TSPAN3: variants seen among roughly 807,000 people sequenced by gnomAD.
TSPAN3 encodes tetraspanin 3.
In TSPAN3, 9 loss-of-function variants were observed where a neutral mutation model predicts 31.1. That is an observed-to-expected ratio of 0.29 (90% confidence interval 0.17 to 0.50). TSPAN3 has a LOEUF of 0.50. TSPAN3 is among the 20% of genes least tolerant of loss of function. The pLI is 0.98. For synonymous variants in TSPAN3, 129 were observed against 114.3 expected (o/e 1.13, Z -0.82); for missense variants, 252 against 313.5 (o/e 0.80, Z 1.48).
At chr15:77,049,465 G>A (rs2076715205) in intron 6 of TSPAN3, among the ~76,000 whole-genome samples, 1 of 152,130 alleles carries the variant, frequency 6.6e-6, no homozygotes, top group Non-Finnish European at 1.5e-5. Flanking sequence ...AGATACTCAG[G>A]AGCTTGACAA....
At chr15:77,048,703 A>G (rs1295972232) in intron 6 of TSPAN3, among the ~76,000 whole-genome samples, 1 of 152,198 alleles carries the variant, frequency 6.6e-6, no homozygotes, top group African/African-American at 2.4e-5. Flanking sequence ...TTTTATCTCC[A>G]ACATTATTTC....
chr15:77,049,422 T>C (rs1317574081), intron 6 of TSPAN3, among the ~76,000 whole-genome samples: 2 of 152,190 alleles, frequency 1.3e-5, no homozygotes, highest in Non-Finnish European at 2.9e-5. Context: ...TTTCCCCGTA[T>C]TGCCTTTGTA....
rs143420638 is a variant in TSPAN3, at chr15:77,070,993, G to A, written c.-39C>T. Reference sequence around the variant, plus strand: ...CGCGAAGGCCCGGCCCGGAGAGCGGGGCTGCGCTCACCGAGAGAGCGGCAA... The same window carrying A: ...CGCGAAGGCCCGGCCCGGAGAGCGGAGCTGCGCTCACCGAGAGAGCGGCAA... On this transcript the variant is annotated 5_prime_UTR_variant, in exon 1 of 7. Coordinates refer to ENST00000267970, the MANE Select transcript of TSPAN3 (RefSeq NM_005724.6). 8.8e-3 allele frequency: 12,064 copies of A among 1,368,660 alleles called. 83 individuals are homozygous for A. Among genetic ancestry groups the A allele is most frequent in the Middle Eastern group, 0.015 (72 of 4,650 alleles). The allele number at this position is 1,368,660 out of a possible 1,614,324, so 84.8% of individuals were successfully genotyped here. A position where few individuals can be genotyped will look rare whatever the true frequency, so the allele number is the denominator to read the frequency against.
At chr15:77,054,491 C>T (rs150707893) in intron 3 of TSPAN3, 3 of 370,760 alleles carry the variant, frequency 8.1e-6, no homozygotes, top group Non-Finnish European at 1.5e-5. Context: ...CAGACATATA[C>T]CACATACATT....
In TSPAN3 at chr15:77,046,515, T is replaced by A; in HGVS notation, c.*320A>T. 2 of 449,422 alleles carry A rather than the reference T, an allele frequency of 4.5e-6. No homozygotes were observed. 27.8% of individuals were successfully genotyped at this position (449,422 alleles called of 1,614,324 possible). On this transcript the variant is annotated 3_prime_UTR_variant, in exon 7 of 7. Transcript: ENST00000267970. ...TGGTGACATTTCGGCATCAGTCCTG[T>A]TACCACTTGGAGGTAACAGAAGCAG...
chr15:77,053,490 A>G lies in TSPAN3; in HGVS notation c.433-561T>C, dbSNP rs201722496. ...AAAAAAAAAAAAAAAAAAAAAAAAA[A>G]AAAAGAAAAGAAAAGTACATTGCCT... On this transcript the variant is annotated intron_variant, in intron 4 of 6. Coordinates refer to ENST00000267970, the MANE Select transcript of TSPAN3 (RefSeq NM_005724.6). Among the ~76,000 whole-genome samples the G allele has an allele frequency of 4.3e-4, 57 of 131,278 alleles. 2 individuals carry two copies. The highest frequency in any genetic ancestry group is 2.6e-3 in the East Asian group (12 of 4,600). 86.1% of individuals were successfully genotyped at this position (131,278 alleles called of 152,430 possible). A position where few individuals can be genotyped will look rare whatever the true frequency, so the allele number is the denominator to read the frequency against.
rs114933885 is a variant in TSPAN3, at chr15:77,066,294, G to A, written c.63+4598C>T. Among the ~76,000 whole-genome samples, 388 of 152,286 alleles carry A rather than the reference G, an allele frequency of 2.5e-3. 2 individuals are homozygous for A. Among genetic ancestry groups the A allele is most frequent in the African/African-American group, 9.0e-3 (374 of 41,552 alleles). On this transcript the variant is annotated intron_variant, in intron 1 of 6. Coordinates refer to ENST00000267970, the MANE Select transcript of TSPAN3 (RefSeq NM_005724.6). The stretch of plus-strand genomic sequence containing the variant: ...CCTATTTAATACAATAGCCTTTGCT[G>A]GGCGCGGTGGCTCACGCCTGTAATC...
rs569353475 is a variant in TSPAN3, at chr15:77,044,387, T to A, written c.*2448A>T. 6.6e-6 allele frequency: 1 copy of A among 152,278 alleles called. No homozygotes were observed. Among genetic ancestry groups the A allele is most frequent in the Non-Finnish European group, 1.5e-5 (1 of 68,064 alleles). The allele number at this position is 152,278 out of a possible 1,614,324, so 9.4% of individuals were successfully genotyped here. On this transcript the variant is annotated 3_prime_UTR_variant, in exon 7 of 7. Transcript: ENST00000267970. ...GCAGAAACAAGATGTTGAATTTGCA[T>A]GGCCCTGGCCAACACAGACAACATC...
In TSPAN3 at chr15:77,053,451, CAAAAAAAAAAAAAAAAAAAAAAAA is replaced by C. The variant is rs60483848; in HGVS notation, c.433-546_433-523del. Among the ~76,000 whole-genome samples the C allele has an allele frequency of 8.7e-3, 436 of 50,380 alleles. 4 individuals carry two copies. Among genetic ancestry groups the C allele is most frequent in the African/African-American group, 0.025 (211 of 8,284 alleles). The allele number at this position is 50,380 out of a possible 152,430, so 33.1% of individuals were successfully genotyped here. The stretch of plus-strand genomic sequence containing the variant: ...CAACAAGAGTGAAATTTCGCCATCT[CAAAAAAAAAAAAAAAAAAAAAAAA>C]AAAAAAAAAAAAAAAAAAAGAAAAG... On this transcript the variant is annotated intron_variant, in intron 4 of 6. Coordinates refer to ENST00000267970, the MANE Select transcript of TSPAN3 (RefSeq NM_005724.6).
At chr15:77,067,359 G>C (rs1176135913) in intron 1 of TSPAN3, among the ~76,000 whole-genome samples, 1 of 152,190 alleles carries the variant, frequency 6.6e-6, no homozygotes, top group Non-Finnish European at 1.5e-5. Flanking sequence ...TTTACAGCCT[G>C]AGTATTTCAG....
chr15:77,050,182 A>G (rs2076721444), intron 6 of TSPAN3, among the ~76,000 whole-genome samples: 1 of 152,220 alleles, frequency 6.6e-6, no homozygotes. Context: ...GCACCAATCT[A>G]TCAGATTTTG....
intron 6 of TSPAN3, among the ~76,000 whole-genome samples, chr15:77,048,566 G>C (rs1211842099): frequency 6.6e-6 from 1 of 152,140 alleles, no homozygotes; most frequent in Admixed American, 6.6e-5. Flanking sequence ...AGAATATTAA[G>C]CTCTACATAA....
chr15:77,060,744 T>C (rs2076795752), intron 1 of TSPAN3, among the ~76,000 whole-genome samples: 1 of 151,786 alleles, frequency 6.6e-6, no homozygotes, highest in African/African-American at 2.4e-5. Flanking sequence ...GGAGATGAAA[T>C]GTAGAACTTG....
intron 3 of TSPAN3, chr15:77,055,063 C>T (rs1215790467): frequency 6.6e-5 from 10 of 152,216 alleles, no homozygotes; most frequent in African/African-American, 2.4e-4. Flanking sequence ...CAGTACCTTA[C>T]GTATCAATGA....
At chr15:77,047,816 A>G (rs1351037540) in intron 6 of TSPAN3, among the ~76,000 whole-genome samples, 2 of 152,192 alleles carry the variant, frequency 1.3e-5, no homozygotes, top group Non-Finnish European at 2.9e-5. Context: ...TGATGAGGAA[A>G]AGCCTCAGTT....
rs2152694126 is a variant in TSPAN3, at chr15:77,042,085, T to A, written c.*4750A>T. ...GTTAGACATGGAAGGAGCATCAGAC[T>A]ATGTTGTGAAGACAGAAAGAGGATC... On this transcript the variant is annotated 3_prime_UTR_variant, in exon 7 of 7. Transcript: ENST00000267970. 1 of 152,278 alleles carries A rather than the reference T, an allele frequency of 6.6e-6. No homozygotes were observed. The highest frequency in any genetic ancestry group is 1.9e-4 in the East Asian group (1 of 5,184). 9.4% of individuals were successfully genotyped at this position (152,278 alleles called of 1,614,324 possible).
chr15:77,069,454 AT>A (rs1372157872), intron 1 of TSPAN3, among the ~76,000 whole-genome samples: 2 of 152,172 alleles, frequency 1.3e-5, no homozygotes, highest in Non-Finnish European at 2.9e-5. Context: ...AAAAAATAAA[AT>A]AAAATAAATA....
chr15:77,061,883 C>G (rs2076802936), intron 1 of TSPAN3, among the ~76,000 whole-genome samples: 1 of 152,176 alleles, frequency 6.6e-6, no homozygotes, highest in Non-Finnish European at 1.5e-5. Context: ...AGCACAGTGC[C>G]TGACAAATTC....
chr15:77,067,119 G>T (rs138682985), intron 1 of TSPAN3, among the ~76,000 whole-genome samples: 4 of 152,020 alleles, frequency 2.6e-5, no homozygotes, highest in African/African-American at 9.6e-5. Context: ...CCTCTTAAAG[G>T]CCCCATCTCT....
Sources: allele counts gnomAD v4.1 joint callset (sites outside exome capture counted in the v4.1 genomes callset), GRCh38; gene constraint gnomAD v4.1.1; transcripts MANE v1.5; gene names NCBI Gene and HGNC (gene_info 2026-07-23, HGNC 2026-07-21).